Variants in ELAPOR2 observed in about 807,000 individuals in gnomAD.
ELAPOR2 encodes the protein endosome/lysosome-associated apoptosis and autophagy regulator family member 2.
ELAPOR2 carries 89 observed loss-of-function variants against 120.7 expected under a neutral mutation model. That is an observed-to-expected ratio of 0.74 (90% CI 0.62 to 0.88). The LOEUF is 0.88. ELAPOR2 is among the 40% of genes least tolerant of loss of function. The pLI, the probability that ELAPOR2 is intolerant of heterozygous loss-of-function variation, is 0.00. For synonymous variants in ELAPOR2, 444 were observed against 444.9 expected (o/e 1.00, Z 0.03); for missense variants, 1,134 against 1,251.6 (o/e 0.91, Z 1.42).
chr7:87,038,384 G>C (rs1050202375), intron 1 of ELAPOR2, among the ~76,000 whole-genome samples: 1 of 152,076 alleles, frequency 6.6e-6, no homozygotes, highest in Non-Finnish European at 1.5e-5. Flanking sequence ...AAAAAGTCTA[G>C]GGAAATATAT....
intron 21 of ELAPOR2, among the ~76,000 whole-genome samples, chr7:86,889,584 C>T (rs767515968): frequency 1.3e-5 from 2 of 151,848 alleles, no homozygotes; most frequent in Non-Finnish European, 2.9e-5. Context: ...GGGGACAAGG[C>T]AGTACAGTAG....
chr7:86,967,332 C>A (rs1290169000), intron 1 of ELAPOR2, among the ~76,000 whole-genome samples: 2 of 151,922 alleles, frequency 1.3e-5, no homozygotes, highest in East Asian at 1.9e-4. Flanking sequence ...TGGTGGTGTG[C>A]GCTTCCCAGC....
chr7:87,045,378 A>T (rs1794918371), intron 1 of ELAPOR2, among the ~76,000 whole-genome samples: 1 of 150,372 alleles, frequency 6.7e-6, no homozygotes, highest in East Asian at 1.9e-4. Context: ...ACAATGATAG[A>T]CTGGATTAAG....
At chr7:87,015,034 A>G (rs186655770) in intron 1 of ELAPOR2, among the ~76,000 whole-genome samples, 6 of 152,290 alleles carry the variant, frequency 3.9e-5, no homozygotes, top group African/African-American at 1.2e-4. Flanking sequence ...TGCAGGAAAA[A>G]AAAAGCAACT....
chr7:86,884,032 A>G (rs1186036442), intron 21 of ELAPOR2, among the ~76,000 whole-genome samples: 2 of 152,210 alleles, frequency 1.3e-5, no homozygotes, highest in Non-Finnish European at 2.9e-5. Flanking sequence ...CGGATATGTA[A>G]TAATACAAAT....
intron 8 of ELAPOR2, 149 bp downstream of exon 8, chr7:86,937,977 G>C (rs117443186): frequency 3.5e-6 from 2 of 575,640 alleles, no homozygotes. Flanking sequence ...AAGCCAGGAA[G>C]GCAGACTTCA....
chr7:86,961,830 T>C (rs1489910313), intron 2 of ELAPOR2, among the ~76,000 whole-genome samples: 1 of 152,192 alleles, frequency 6.6e-6, no homozygotes, highest in Non-Finnish European at 1.5e-5. Flanking sequence ...TGCTAAACTC[T>C]TGGCACCAGG....
intron 19 of ELAPOR2, among the ~76,000 whole-genome samples, chr7:86,896,456 G>A (rs28405414): frequency 0.095 from 14,457 of 152,054 alleles, 793 homozygotes; most frequent in African/African-American, 0.14. Flanking sequence ...GGGATTGGGC[G>A]CAAGCATCCT....
At position 86,942,032 on chromosome 7, in the gene ELAPOR2, A is replaced by T. The variant is rs1191803796; in HGVS notation, c.727T>A (p.Trp243Arg). The change falls in exon 5 of 22, where the codon TGG becomes AGG. Residue 243 changes from tryptophan to arginine, a missense_variant. Physicochemically the swap from Trp to Arg is moderately radical, Grantham distance 101. This residue lies in a region of ELAPOR2 where 280 missense variants were observed against 331.5 expected (regional missense o/e 0.84). Coordinates refer to ENST00000450689, the MANE Select transcript of ELAPOR2 (RefSeq NM_001142749.3). ...AAGAGACTTACAGAATGAGAGCCCC[A>T]TTCTCCATTGTCTGTAAGTTTTACC... ...KWVKLTDNGE[W>R]GSHSVMLKSG... 1 of 1,546,050 alleles carries T rather than the reference A, an allele frequency of 6.5e-7. No individual in the cohort carries two copies. The highest frequency in any genetic ancestry group is 2.0e-5 in the Admixed American group (1 of 50,952).
intron 21 of ELAPOR2, among the ~76,000 whole-genome samples, chr7:86,890,587 A>C (rs1404806491): frequency 1.3e-5 from 2 of 151,736 alleles, no homozygotes; most frequent in African/African-American, 2.4e-5. Flanking sequence ...TGCTAGCACT[A>C]CTCTATGAAT....
intron 1 of ELAPOR2, among the ~76,000 whole-genome samples, chr7:87,027,198 A>G (rs1794272624): frequency 6.6e-6 from 1 of 152,148 alleles, no homozygotes; most frequent in South Asian, 2.1e-4. Context: ...AAGTAGACAT[A>G]GTTTCCTTCT....
At chr7:86,883,360 ATAGT>A (rs1483020520) in intron 21 of ELAPOR2, among the ~76,000 whole-genome samples, 1 of 152,178 alleles carries the variant, frequency 6.6e-6, no homozygotes, top group African/African-American at 2.4e-5. Context: ...ATATGACATA[ATAGT>A]TAATGAACAT....
chr7:86,889,689 G>A (rs1004749407), intron 21 of ELAPOR2, among the ~76,000 whole-genome samples: 2 of 151,948 alleles, frequency 1.3e-5, no homozygotes, highest in African/African-American at 4.8e-5. Flanking sequence ...CACAGTTGAC[G>A]GTGGGTAACT....
chr7:86,990,536 T>C (rs1635033), intron 1 of ELAPOR2, among the ~76,000 whole-genome samples: 57,502 of 151,926 alleles, frequency 0.38, 11,735 homozygotes, highest in African/African-American at 0.53. Flanking sequence ...TTACTCAGTT[T>C]CAGGTATTTT....
chr7:86,952,524 C>T (rs539143058), intron 2 of ELAPOR2, among the ~76,000 whole-genome samples: 39 of 152,280 alleles, frequency 2.6e-4, no homozygotes, highest in Admixed American at 7.2e-4. Context: ...TTCTTCATTC[C>T]TATCCTGAAC....
chr7:86,974,620 T>TGTGTGTGTGTGTGTGTG (rs57026925), intron 1 of ELAPOR2, among the ~76,000 whole-genome samples: 1 of 148,626 alleles, frequency 6.7e-6, no homozygotes. Context: ...TGTGTGTGTG[T>TGTGTGTGTGTGTGTGTG]TGGATACATG....
At chr7:87,027,497 T>A (rs898296005) in intron 1 of ELAPOR2, among the ~76,000 whole-genome samples, 2 of 152,194 alleles carry the variant, frequency 1.3e-5, no homozygotes, top group African/African-American at 4.8e-5. Flanking sequence ...AAAATTCACA[T>A]GCTGAAGTCC....
intron 1 of ELAPOR2, among the ~76,000 whole-genome samples, chr7:87,019,997 T>G (rs1002087733): frequency 1.3e-5 from 2 of 152,164 alleles, no homozygotes; most frequent in African/African-American, 4.8e-5. Flanking sequence ...TATTTTTAGT[T>G]TTTCATTTAA....
chr7:86,901,418 A>G (rs1261988667), intron 18 of ELAPOR2, among the ~76,000 whole-genome samples: 1 of 152,202 alleles, frequency 6.6e-6, no homozygotes, highest in Non-Finnish European at 1.5e-5. Flanking sequence ...TTTTAAATAA[A>G]TCTTTCCTAA....
Sources: gnomAD v4.1 joint callset for allele counts (sites outside exome capture counted in the v4.1 genomes callset) on GRCh38, gnomAD v4.1.1 for gene constraint, gnomAD v4.1.1 regional missense constraint, MANE v1.5 for transcripts, NCBI Gene and HGNC (gene_info 2026-07-23, HGNC 2026-07-21) for gene names.